The following NXN variants were observed in gnomAD, a reference collection of about 807,000 sequenced individuals.
NXN encodes the protein nucleoredoxin 1.
A neutral mutation model predicts 48.6 loss-of-function variants in NXN; 16 were observed. The observed-to-expected ratio is 0.33, with a 90% CI of 0.22 to 0.50. The LOEUF is 0.50. Ranked by LOEUF, NXN falls within the 20% of genes least tolerant of loss-of-function variation. The probability of loss-of-function intolerance (pLI) is 0.98; values close to 1 mark genes in which losing one functional copy is unlikely to be tolerated. For missense variants in NXN, 492 were observed against 605.5 expected (o/e 0.81, Z 1.97); for synonymous variants, 281 against 269.6 (o/e 1.04, Z -0.41).
Position 873,964 on chromosome 17 carries a change from C to T in NXN, c.361-47886G>A, listed in dbSNP as rs76824421. 5.5e-3 allele frequency among the ~76,000 whole-genome samples: 839 copies of T among 152,188 alleles called. 10 individuals carry two copies. The highest frequency in any genetic ancestry group is 0.019 in the African/African-American group (804 of 41,528). On this transcript the variant is annotated intron_variant, in intron 1 of 7. Transcript: ENST00000336868. ...CATGGTCTTTTTCCAGCATCTGAGC[C>T]GCCCACTCCTGACATGGTTTGGCTG...
rs371813007 is a variant in NXN at position 836,231 on chromosome 17, C to T, written c.361-10153G>A. Among the ~76,000 whole-genome samples the T allele has an allele frequency of 1.7e-3, 265 of 152,310 alleles. 1 individual carries two copies. Among genetic ancestry groups the T allele is most frequent in the African/African-American group, 6.2e-3 (257 of 41,566 alleles). On this transcript the variant is annotated intron_variant, in intron 1 of 7. Coordinates refer to ENST00000336868, the MANE Select transcript of NXN (RefSeq NM_022463.5). ...TCCCGAGAGCAACATGGAATCTGCCCCCGCATGCTAAGGACCAGGTCTTGC... is the reference window on the plus strand; with the variant it reads ...TCCCGAGAGCAACATGGAATCTGCCTCCGCATGCTAAGGACCAGGTCTTGC...
chr17:885,095 G>A (rs1224408232), intron 1 of NXN, among the ~76,000 whole-genome samples: 1 of 152,194 alleles, frequency 6.6e-6, no homozygotes, highest in African/African-American at 2.4e-5. Flanking sequence ...ATGAAAGAGA[G>A]GTCCAGGAAA....
chr17:923,468 T>A (rs756380678), intron 1 of NXN, among the ~76,000 whole-genome samples: 4 of 152,138 alleles, frequency 2.6e-5, no homozygotes, highest in Non-Finnish European at 5.9e-5. Flanking sequence ...CAGTGAGCTG[T>A]GATCACACCA....
At position 849,057 on chromosome 17, in the gene NXN, G is replaced by A. The variant is rs2067895616; in HGVS notation, c.361-22979C>T. Among the ~76,000 whole-genome samples the A allele has an allele frequency of 6.6e-6, 1 of 152,234 alleles. No homozygotes were observed. Among genetic ancestry groups the A allele is most frequent in the South Asian group, 2.1e-4 (1 of 4,836 alleles). ...CGCCTTCGAGAAAGGAAGGGAGCCT[G>A]TCTGGTATGTAACAGGCTCCGGCTT... On this transcript the variant is annotated intron_variant, in intron 1 of 7. Transcript: ENST00000336868. This position sits in a 1 kb window ranked among gnomAD's most constrained non-coding sequence, Gnocchi z 4.2.
At chr17:871,463 A>ATG (rs2068153961) in intron 1 of NXN, among the ~76,000 whole-genome samples, 1 of 135,956 alleles carries the variant, frequency 7.4e-6, no homozygotes, top group Non-Finnish European at 1.5e-5. Context: ...GGAGTGCAGC[A>ATG]GCACGATCTC....
chr17:963,242 C>CG (rs2069260478), intron 1 of NXN, among the ~76,000 whole-genome samples: 2 of 148,462 alleles, frequency 1.3e-5, no homozygotes, highest in African/African-American at 5.2e-5. Flanking sequence ...CACACACACC[C>CG]CTTTCATTTT....
rs114557308 is a variant in NXN at position 854,990 on chromosome 17, T to C, written c.361-28912A>G. Among the ~76,000 whole-genome samples the C allele has an allele frequency of 4.1e-3, 616 of 151,714 alleles. 3 individuals are homozygous for C. The highest frequency in any genetic ancestry group is 0.014 in the African/African-American group (571 of 41,366). ...AAAAAAGACTTTAAAATTTTTTATATAGAAGCTGAGTGCAGAGGCTCACAC... is the reference window on the plus strand; with the variant it reads ...AAAAAAGACTTTAAAATTTTTTATACAGAAGCTGAGTGCAGAGGCTCACAC... On this transcript the variant is annotated intron_variant, in intron 1 of 7. Coordinates refer to ENST00000336868, the MANE Select transcript of NXN (RefSeq NM_022463.5).
intron 1 of NXN, among the ~76,000 whole-genome samples, chr17:923,970 G>T (rs138204070): frequency 2.6e-5 from 4 of 152,234 alleles, no homozygotes; most frequent in African/African-American, 9.6e-5. Context: ...TTTTACAGAA[G>T]AAAGGAAAGA....
intron 1 of NXN, among the ~76,000 whole-genome samples, chr17:902,401 G>T (rs2068545877): frequency 6.6e-6 from 1 of 152,138 alleles, no homozygotes; most frequent in Non-Finnish European, 1.5e-5. Context: ...TCACGGTGAA[G>T]GTCCTCGGGA....
chr17:895,823 A>AAACG (rs2068478002), intron 1 of NXN, among the ~76,000 whole-genome samples: 2 of 76,486 alleles, frequency 2.6e-5, no homozygotes, highest in African/African-American at 1.0e-4. Flanking sequence ...ACAAACAAAC[A>AAACG]AACAAAAAAA....
intron 4 of NXN, among the ~76,000 whole-genome samples, chr17:820,235 G>C (rs1912749863): frequency 6.6e-6 from 1 of 152,148 alleles, no homozygotes; most frequent in African/African-American, 2.4e-5. Context: ...ACGTACATTG[G>C]TCAGCTGAAC....
chr17:841,443 TCCC>T (rs146246056), intron 1 of NXN, among the ~76,000 whole-genome samples: 12 of 37,024 alleles, frequency 3.2e-4, no homozygotes, highest in South Asian at 1.0e-3. Flanking sequence ...GGCGAGCAGG[TCCC>T]CCTGACCACG....
At chr17:816,947 G>A (rs913089644) in intron 5 of NXN, among the ~76,000 whole-genome samples, 24 of 152,154 alleles carry the variant, frequency 1.6e-4, no homozygotes, top group African/African-American at 5.6e-4. Flanking sequence ...GGGCCAGGCA[G>A]GAGTAAGCGC....
intron 1 of NXN, among the ~76,000 whole-genome samples, chr17:872,946 G>A (rs563667318): frequency 9.2e-5 from 14 of 152,148 alleles, no homozygotes; most frequent in African/African-American, 1.4e-4. Context: ...CAGCAGACTC[G>A]GAATATAAAG....
At chr17:901,304 G>C (rs475198) in intron 1 of NXN, among the ~76,000 whole-genome samples, 7 of 151,826 alleles carry the variant, frequency 4.6e-5, no homozygotes, top group Non-Finnish European at 1.0e-4. Context: ...TCTGTGGGGG[G>C]AGATGATCTC....
intron 1 of NXN, among the ~76,000 whole-genome samples, chr17:853,964 C>T (rs2067956843): frequency 6.6e-6 from 1 of 151,932 alleles, no homozygotes; most frequent in South Asian, 2.1e-4. Context: ...TCCTGATCCA[C>T]CCACCTCGGC....
intron 1 of NXN, among the ~76,000 whole-genome samples, chr17:950,481 C>G (rs2069096674): frequency 1.3e-5 from 2 of 151,128 alleles, no homozygotes; most frequent in South Asian, 4.2e-4. Context: ...CGGGCCAGCA[C>G]AGTCATTTCA....
At chr17:960,346 G>A (rs2457273) in intron 1 of NXN, among the ~76,000 whole-genome samples, 132,698 of 152,144 alleles carry the variant, frequency 0.87, 60,300 homozygotes, top group Non-Finnish European at 0.99. Flanking sequence ...ACTTTTAACC[G>A]CCAACCCTTT....
chr17:951,409 G>A (rs903982247), intron 1 of NXN, among the ~76,000 whole-genome samples: 1 of 151,846 alleles, frequency 6.6e-6, no homozygotes, highest in Non-Finnish European at 1.5e-5. Context: ...ACCCCCAGGT[G>A]GAGGCCAGTG....
Sources: gnomAD v4.1 joint callset for allele counts (sites outside exome capture counted in the v4.1 genomes callset) on GRCh38, gnomAD v4.1.1 for gene constraint, Gnocchi (gnomAD v3.1) non-coding constraint, MANE v1.5 for transcripts, NCBI Gene and HGNC (gene_info 2026-07-23, HGNC 2026-07-21) for gene names.